Variants in LOC122455340 observed in about 807,000 individuals in gnomAD.
chr12:53,242,162 C>A, the LOC122455340 span: 1 of 401,650 alleles, frequency 2.5e-6, no homozygotes, highest in Non-Finnish European at 4.4e-6. Context: ...CCTGCACCTG[C>A]TCTTGCCCCC....
At chr12:53,242,329 G>C in the LOC122455340 span, 1 of 398,524 alleles carries the variant, frequency 2.5e-6, no homozygotes, top group Middle Eastern at 6.3e-4. Context: ...TGCAGTGATA[G>C]CTGTAGCTGT....
the LOC122455340 span, chr12:53,242,647 G>A: frequency 2.6e-6 from 1 of 383,786 alleles, no homozygotes; most frequent in Non-Finnish European, 4.6e-6. Flanking sequence ...TGCTCCTGCT[G>A]GTTCCAGAAC....
chr12:53,242,134 C>T, the LOC122455340 span: 2 of 400,932 alleles, frequency 5.0e-6, no homozygotes, highest in Non-Finnish European at 8.8e-6. Context: ...CCCGCTTGTC[C>T]CAGCCTCCCG....
the LOC122455340 span, chr12:53,241,950 G>A: frequency 2.3e-5 from 9 of 398,980 alleles, no homozygotes; most frequent in Non-Finnish European, 4.0e-5. Context: ...CCTACGCTTG[G>A]GGCCTAGGAA....
At chr12:53,242,156 C>T in the LOC122455340 span, 1 of 401,768 alleles carries the variant, frequency 2.5e-6, no homozygotes, top group Admixed American at 4.4e-5. Flanking sequence ...GCCCACCCTG[C>T]ACCTGCTCTT....
the LOC122455340 span, chr12:53,242,701 G>A: frequency 3.4e-5 from 11 of 326,390 alleles, no homozygotes; most frequent in East Asian, 5.2e-4. Context: ...TCTTCTCAGA[G>A]CCTCCCCCAC....
chr12:53,242,428 G>T, the LOC122455340 span: 1 of 395,384 alleles, frequency 2.5e-6, no homozygotes, highest in East Asian at 3.6e-5. Context: ...CGGGGGCGCT[G>T]TCTGATCATT....
At chr12:53,242,380 GC>G in the LOC122455340 span, 30 of 397,972 alleles carry the variant, frequency 7.5e-5, no homozygotes, top group Non-Finnish European at 1.1e-4. Flanking sequence ...TCCCTTGGCT[GC>G]TGTAGCTGCT....
the LOC122455340 span, chr12:53,242,122 GC>G: frequency 2.5e-6 from 1 of 398,770 alleles, no homozygotes; most frequent in Non-Finnish European, 4.4e-6. Flanking sequence ...GCAGCTCCCT[GC>G]CCCGCTTGTC....
At chr12:53,242,489 G>A in the LOC122455340 span, 27 of 398,444 alleles carry the variant, frequency 6.8e-5, no homozygotes, top group African/African-American at 1.6e-4. Flanking sequence ...GAGCACTTCC[G>A]TACTGCTGCC....
chr12:53,242,373 CT>C, the LOC122455340 span: 6 of 397,020 alleles, frequency 1.5e-5, no homozygotes, highest in Non-Finnish European at 8.9e-6. Context: ...TCCAGGCTCC[CT>C]TGGCTGCTGT....
the LOC122455340 span, chr12:53,242,217 G>A: frequency 7.5e-4 from 299 of 399,948 alleles, no homozygotes; most frequent in Non-Finnish European, 1.1e-3. Context: ...TAACTCCTGT[G>A]TCTCATGCTC....
the LOC122455340 span, chr12:53,242,369 C>T: frequency 5.0e-6 from 2 of 397,826 alleles, no homozygotes; most frequent in African/African-American, 2.1e-5. Context: ...GACCTCCAGG[C>T]TCCCTTGGCT....
At chr12:53,242,307 T>C in the LOC122455340 span, 2 of 398,890 alleles carry the variant, frequency 5.0e-6, no homozygotes, top group East Asian at 7.1e-5. Context: ...CTGTTTGAGC[T>C]CCCGTTTAGG....
At chr12:53,242,173 G>A in the LOC122455340 span, 3 of 400,236 alleles carry the variant, frequency 7.5e-6, no homozygotes, top group Non-Finnish European at 8.8e-6. Flanking sequence ...TCTTGCCCCC[G>A]CTGCCCTGCC....
the LOC122455340 span, chr12:53,242,263 G>A: frequency 2.5e-6 from 1 of 399,752 alleles, no homozygotes; most frequent in Non-Finnish European, 4.4e-6. Context: ...CCCTCACCCT[G>A]CCCAGTTTAC....
At chr12:53,242,566 A>G in the LOC122455340 span, 1 of 397,314 alleles carries the variant, frequency 2.5e-6, no homozygotes, top group African/African-American at 2.1e-5. Context: ...TCAAGCAGGT[A>G]GAGGCAGCTG....
chr12:53,242,060 C>G, the LOC122455340 span: 3 of 400,444 alleles, frequency 7.5e-6, no homozygotes, highest in Non-Finnish European at 1.3e-5. Flanking sequence ...GTGCCTTCCC[C>G]TGCCATGGCT....
chr12:53,242,401 G>C, the LOC122455340 span: 1 of 396,996 alleles, frequency 2.5e-6, no homozygotes, highest in African/African-American at 2.1e-5. Flanking sequence ...TGCTTCAGGG[G>C]ACAACAACGC....
Sources: gnomAD v4.1 joint callset for allele counts on GRCh38, gnomAD v4.1.1 for gene constraint, MANE v1.5 for transcripts.